SPAG1: variants seen among roughly 807,000 people sequenced by gnomAD.
SPAG1 encodes sperm associated antigen 1, also known as sperm-associated antigen 1.
SPAG1 carries 69 observed loss-of-function variants against 100.5 expected under a neutral mutation model. That is an observed-to-expected ratio of 0.69 (90% CI 0.57 to 0.84). The LOEUF is 0.84. SPAG1 is among the 40% of genes least tolerant of loss of function. SPAG1 has a pLI of 0.00. For synonymous variants in SPAG1, 336 were observed against 411.6 expected (o/e 0.82, Z 2.22); for missense variants, 955 against 1,133.1 (o/e 0.84, Z 2.26).
intron 10 of SPAG1, among the ~76,000 whole-genome samples, chr8:100,210,716 T>G (rs2132342301): frequency 6.6e-6 from 1 of 152,272 alleles, no homozygotes; most frequent in East Asian, 1.9e-4. Context: ...AGATGGAGTC[T>G]TGCTATGTTG....
chr8:100,175,262 G>A (rs1035206140), intron 3 of SPAG1, among the ~76,000 whole-genome samples: 2 of 150,594 alleles, frequency 1.3e-5, no homozygotes, highest in African/African-American at 4.9e-5. Context: ...CCTTTCCATA[G>A]AGAAGGGCGT....
chr8:100,190,670 T>C (rs993032475), intron 8 of SPAG1, among the ~76,000 whole-genome samples: 4 of 145,358 alleles, frequency 2.8e-5, no homozygotes, highest in African/African-American at 7.7e-5. Context: ...TTTCTTTTTT[T>C]TTTTTTTTTT....
At chr8:100,197,142 T>C (rs1446008993) in intron 10 of SPAG1, among the ~76,000 whole-genome samples, 1 of 152,070 alleles carries the variant, frequency 6.6e-6, no homozygotes, top group Non-Finnish European at 1.5e-5. Flanking sequence ...GTGGATGCTA[T>C]AAGTTTCTTT....
At chr8:100,204,512 T>TAA (rs34784426) in intron 10 of SPAG1, among the ~76,000 whole-genome samples, 1 of 147,998 alleles carries the variant, frequency 6.8e-6, no homozygotes. Flanking sequence ...CTTGGAGAGT[T>TAA]AAAAAAAAAA....
intron 3 of SPAG1, 96 bp downstream of exon 3, chr8:100,166,069 A>T: frequency 1.7e-6 from 2 of 1,148,074 alleles, no homozygotes; most frequent in Non-Finnish European, 2.4e-6. Context: ...GTTTGTCCGT[A>T]AAGGGCTTTT....
intron 10 of SPAG1, among the ~76,000 whole-genome samples, chr8:100,212,402 TTAAA>T (rs1306327786): frequency 3.3e-5 from 5 of 152,362 alleles, no homozygotes; most frequent in East Asian, 1.9e-4. Flanking sequence ...ACACCATAAA[TTAAA>T]TATTTACACA....
At chr8:100,178,578 A>C (rs1816231027) in intron 4 of SPAG1, among the ~76,000 whole-genome samples, 1 of 152,084 alleles carries the variant, frequency 6.6e-6, no homozygotes, top group African/African-American at 2.4e-5. Context: ...GTAATTTCTC[A>C]GATGACTCCC....
intron 14 of SPAG1, among the ~76,000 whole-genome samples, chr8:100,227,888 G>A (rs1279927658): frequency 4.6e-5 from 6 of 130,266 alleles, no homozygotes; most frequent in African/African-American, 1.5e-4. Context: ...GCTCTGTTGC[G>A]CAGGCTGGGG....
chr8:100,169,984 GA>G (rs71274959), intron 3 of SPAG1, among the ~76,000 whole-genome samples: 6 of 148,376 alleles, frequency 4.0e-5, no homozygotes, highest in South Asian at 4.3e-4. Context: ...TAAGAGGCTG[GA>G]AAAAAAAAAG....
intron 3 of SPAG1, among the ~76,000 whole-genome samples, chr8:100,176,611 C>G (rs774818283): frequency 1.3e-5 from 2 of 152,138 alleles, no homozygotes; most frequent in Non-Finnish European, 2.9e-5. Context: ...GTGATCTGCC[C>G]GCTTCGGCCT....
chr8:100,231,135 C>T, intron 14 of SPAG1, 21 bp from the exon 15 acceptor site: 1 of 1,588,680 alleles, frequency 6.3e-7, no homozygotes, highest in South Asian at 1.1e-5. Context: ...ACTTCCTCTT[C>T]TTTGTTTTTT....
chr8:100,224,035 C>T (rs1818397574), intron 13 of SPAG1, among the ~76,000 whole-genome samples: 1 of 152,114 alleles, frequency 6.6e-6, no homozygotes, highest in Non-Finnish European at 1.5e-5. Context: ...CCAATTCAGT[C>T]TTAGGAAGCA....
rs564554631 is a variant in SPAG1, at chr8:100,223,383, T to C, written c.1689-1790T>C. The stretch of plus-strand genomic sequence containing the variant: ...GGAAGGTTCATTTAAAGTAATTGAC[T>C]TTTAAGACTGAGTCATTTTTTTTAA... On this transcript the variant is annotated intron_variant, in intron 13 of 18. Coordinates refer to ENST00000388798, the MANE Select transcript of SPAG1 (RefSeq NM_003114.5). Among the ~76,000 whole-genome samples, 4 of 152,316 alleles carry C rather than the reference T, an allele frequency of 2.6e-5. No individual in the cohort carries two copies. The South Asian group carries it at 8.3e-4, about 32-fold the overall frequency.
At chr8:100,183,037 G>A (rs780312488) in intron 4 of SPAG1, among the ~76,000 whole-genome samples, 6 of 151,764 alleles carry the variant, frequency 4.0e-5, no homozygotes, top group African/African-American at 1.2e-4. Context: ...GTAGTTGCTC[G>A]ATCTCTGCTC....
chr8:100,214,206 G>A (rs10094505), intron 12 of SPAG1, among the ~76,000 whole-genome samples: 5,066 of 152,158 alleles, frequency 0.033, 287 homozygotes, highest in African/African-American at 0.12. Context: ...AATCCACTGC[G>A]GCATCAGAAT....
chr8:100,171,212 T>G (rs1351495880), intron 3 of SPAG1, among the ~76,000 whole-genome samples: 1 of 152,190 alleles, frequency 6.6e-6, no homozygotes, highest in Non-Finnish European at 1.5e-5. Context: ...ATGATATATC[T>G]TTTACAAATA....
rs1460178262 is a variant in SPAG1, at chr8:100,220,355, G to C, written c.1612G>C (p.Gly538Arg). ...GGCCTATGAAACTCTAGAGCAGTAT[G>C]GGAAAGCTTATGTGGATTATAAAAC... ...AMAYETLEQY[G>R]KAYVDYKTVL... Residue 538 changes from glycine (G) to arginine (R), a missense_variant, in exon 13 of 19, where the codon GGG (glycine) becomes CGG (arginine). Transcript: ENST00000388798. 6.2e-7 allele frequency: 1 copy of C among 1,613,962 alleles called. No individual in the cohort carries two copies. Among genetic ancestry groups the C allele is most frequent in the Non-Finnish European group, 8.5e-7 (1 of 1,179,946 alleles).
At chr8:100,194,386 G>A in intron 10 of SPAG1, 118 bp downstream of exon 10, 3 of 1,405,930 alleles carry the variant, frequency 2.1e-6, no homozygotes, top group East Asian at 5.0e-5. Flanking sequence ...GCTTTGCCTT[G>A]TAAATTCACA....
chr8:100,176,226 T>C (rs374768451), intron 3 of SPAG1, among the ~76,000 whole-genome samples: 1 of 152,364 alleles, frequency 6.6e-6, no homozygotes, highest in African/African-American at 2.4e-5. Flanking sequence ...TTTCTAAAAT[T>C]CAAACCATCC....
Sources: allele counts gnomAD v4.1 joint callset (sites outside exome capture counted in the v4.1 genomes callset), GRCh38; gene constraint gnomAD v4.1.1; transcripts MANE v1.5; gene names NCBI Gene and HGNC (gene_info 2026-07-23, HGNC 2026-07-21).